RIMBP2: variants seen among roughly 807,000 people sequenced by gnomAD.
The protein encoded by RIMBP2 is RIMS-binding protein 2.
Under a neutral mutation model 118.6 loss-of-function variants are expected in RIMBP2, and 48 were observed. The observed-to-expected ratio is 0.40, with a 90% confidence interval of 0.32 to 0.51. RIMBP2 has a LOEUF of 0.51. RIMBP2 is among the 20% of genes least tolerant of loss of function. The pLI is 0.41. For missense variants in RIMBP2, 1,551 were observed against 1,768.3 expected (o/e 0.88, Z 2.20); for synonymous variants, 762 against 742.9 (o/e 1.03, Z -0.42).
chr12:130,702,315 G>A (rs1029729613), intron 1 of RIMBP2, among the ~76,000 whole-genome samples: 13 of 151,926 alleles, frequency 8.6e-5, no homozygotes, highest in African/African-American at 1.9e-4. Context: ...TCGGGAGTTC[G>A]AGACCAGCCC....
At chr12:130,671,173 T>C (rs951717725) in intron 1 of RIMBP2, among the ~76,000 whole-genome samples, 1 of 151,922 alleles carries the variant, frequency 6.6e-6, no homozygotes, top group East Asian at 1.9e-4. Context: ...GCAACCATTT[T>C]GTGACCTTGA....
At chr12:130,627,221 A>G (rs1164748504) in intron 2 of RIMBP2, among the ~76,000 whole-genome samples, 1 of 152,248 alleles carries the variant, frequency 6.6e-6, no homozygotes, top group Non-Finnish European at 1.5e-5. Flanking sequence ...TCATTTGCCA[A>G]GCCCAAGCAG....
intron 1 of RIMBP2, among the ~76,000 whole-genome samples, chr12:130,692,822 G>A (rs943158295): frequency 2.0e-5 from 3 of 149,574 alleles, no homozygotes; most frequent in Admixed American, 1.3e-4. Flanking sequence ...TGGGATGGGT[G>A]GAATGGGATG....
Position 130,424,177 on chromosome 12 carries a change from C to T in RIMBP2, c.3094G>A (p.Ala1032Thr), listed in dbSNP as rs931918607. ...MPDSRAAAPH[A>T]KPPPRVAQGP... Reference sequence around the variant, plus strand: ...TGTGCGACTCTGGGAGGTGGCTTTGCGTGGGGGGCAGCTGCCCTACTGTCG... The same window carrying T: ...TGTGCGACTCTGGGAGGTGGCTTTGTGTGGGGGGCAGCTGCCCTACTGTCG... Residue 1032 changes from alanine to threonine, a missense_variant, in exon 16 of 23, where the codon GCA (alanine) becomes ACA (threonine). By Grantham distance (58) the Ala-to-Thr change is moderately conservative. Around this residue, in one of 5 missense-constraint regions of RIMBP2, gnomAD observed 1,038 missense variants for 1,125.1 expected, o/e 0.92. Coordinates refer to ENST00000690449, the MANE Select transcript of RIMBP2 (RefSeq NM_001393629.1). This position sits in a 1 kb window ranked among gnomAD's most constrained non-coding sequence, Gnocchi z 9.8. The T allele has an allele frequency of 2.4e-5, 30 of 1,231,968 alleles. No individual in the cohort carries two copies. Among genetic ancestry groups the T allele is most frequent in the African/African-American group, 9.3e-5 (6 of 64,384 alleles). The allele number at this position is 1,231,968 out of a possible 1,614,324, so 76.3% of individuals were successfully genotyped here. A position where few individuals can be genotyped will look rare whatever the true frequency, so the allele number is the denominator to read the frequency against.
chr12:130,421,701 G>GTGTGTGTGTA (rs1363607393), intron 17 of RIMBP2, among the ~76,000 whole-genome samples: 1 of 151,034 alleles, frequency 6.6e-6, no homozygotes, highest in Non-Finnish European at 1.5e-5. Context: ...ATGTGTGTGT[G>GTGTGTGTGTA]TGTGTGTGTG....
chr12:130,533,294 G>A (rs376378163), intron 2 of RIMBP2, among the ~76,000 whole-genome samples: 120 of 152,212 alleles, frequency 7.9e-4, no homozygotes, highest in African/African-American at 2.5e-3. Flanking sequence ...ATGGCCAGCA[G>A]GTATACGAAA....
intron 1 of RIMBP2, among the ~76,000 whole-genome samples, chr12:130,715,111 T>C (rs1220239670): frequency 1.3e-5 from 2 of 152,208 alleles, no homozygotes; most frequent in African/African-American, 4.8e-5. Context: ...CTCCCTCCTC[T>C]CAGGCCTGCT....
chr12:130,408,939 C>T (rs761599264), intron 19 of RIMBP2, among the ~76,000 whole-genome samples: 21 of 152,190 alleles, frequency 1.4e-4, no homozygotes, highest in Non-Finnish European at 2.9e-4. Flanking sequence ...TGGTTAGGAG[C>T]CACTGCTGTA....
At chr12:130,405,403 G>A (rs942695433) in intron 21 of RIMBP2, among the ~76,000 whole-genome samples, 2 of 152,178 alleles carry the variant, frequency 1.3e-5, no homozygotes, top group African/African-American at 2.4e-5. Context: ...AGTTCTTGCC[G>A]ATTCTGATAA....
chr12:130,687,722 A>G lies in RIMBP2; in HGVS notation c.-352+28500T>C, dbSNP rs555310376. On this transcript the variant is annotated intron_variant, in intron 1 of 22. Coordinates refer to ENST00000690449, the MANE Select transcript of RIMBP2 (RefSeq NM_001393629.1). ...GAAACTCCCATCATCTGAAGCATATAGACTTTCAGACATCTTTCTACCCAT... is the reference window on the plus strand; with the variant it reads ...GAAACTCCCATCATCTGAAGCATATGGACTTTCAGACATCTTTCTACCCAT... 3.6e-3 allele frequency among the ~76,000 whole-genome samples: 542 copies of G among 152,370 alleles called. 3 individuals carry two copies. The highest frequency in any genetic ancestry group is 0.012 in the African/African-American group (515 of 41,588).
intron 2 of RIMBP2, among the ~76,000 whole-genome samples, chr12:130,549,376 T>C (rs2055509085): frequency 1.3e-5 from 2 of 152,218 alleles, no homozygotes. Flanking sequence ...TTTTCTTAAC[T>C]TGTATTTTAG....
At position 130,665,569 on chromosome 12, in the gene RIMBP2, C is replaced by G. The variant is rs143951016; in HGVS notation, c.-351-37113G>C. On this transcript the variant is annotated intron_variant, in intron 1 of 22. Transcript: ENST00000690449. ...TCAAAACAAACAAAAACACCCAAAT[C>G]TAATTGTGAGGAAACATCAGACAAA... Among the ~76,000 whole-genome samples, 3 of 151,732 alleles carry G rather than the reference C, an allele frequency of 2.0e-5. No homozygotes were observed. The East Asian group carries it at 5.8e-4, about 29-fold the overall frequency.
chr12:130,606,327 T>G (rs879567608), intron 2 of RIMBP2, among the ~76,000 whole-genome samples: 9 of 152,194 alleles, frequency 5.9e-5, no homozygotes, highest in Non-Finnish European at 1.3e-4. Context: ...TTACCCCCTC[T>G]CACTATTATT....
intron 9 of RIMBP2, among the ~76,000 whole-genome samples, chr12:130,445,860 A>G (rs1009044492): frequency 1.3e-5 from 2 of 152,316 alleles, no homozygotes; most frequent in African/African-American, 4.8e-5. Flanking sequence ...TTAGTATTGC[A>G]TTATATATTC....
At chr12:130,421,558 T>A (rs1337528210) in intron 17 of RIMBP2, among the ~76,000 whole-genome samples, 1 of 152,216 alleles carries the variant, frequency 6.6e-6, no homozygotes, top group Non-Finnish European at 1.5e-5. Flanking sequence ...TTCAGCTATT[T>A]CAACGAGATT....
At chr12:130,634,159 C>T (rs2062191192) in intron 1 of RIMBP2, among the ~76,000 whole-genome samples, 1 of 152,228 alleles carries the variant, frequency 6.6e-6, no homozygotes, top group Admixed American at 6.5e-5. Context: ...CAGTCGCTCT[C>T]TTCCCCCCGA....
intron 1 of RIMBP2, among the ~76,000 whole-genome samples, chr12:130,699,892 G>A (rs1023392573): frequency 1.6e-5 from 2 of 122,984 alleles, no homozygotes; most frequent in African/African-American, 3.0e-5. Flanking sequence ...GTGATGGTGT[G>A]AGACTCTGTC....
chr12:130,495,974 A>G (rs1373938284), intron 4 of RIMBP2, among the ~76,000 whole-genome samples: 2 of 152,212 alleles, frequency 1.3e-5, no homozygotes, highest in Admixed American at 1.3e-4. Flanking sequence ...TGCTACTGAG[A>G]TCAACGGGAA....
intron 1 of RIMBP2, among the ~76,000 whole-genome samples, chr12:130,653,457 A>G (rs2895137): frequency 0.51 from 78,204 of 152,168 alleles, 20,665 homozygotes; most frequent in African/African-American, 0.62. Context: ...TGCAGCTCCC[A>G]CGGCTGCTCT....
Sources: gnomAD v4.1 joint callset for allele counts (sites outside exome capture counted in the v4.1 genomes callset) on GRCh38, gnomAD v4.1.1 for gene constraint, gnomAD v4.1.1 regional missense constraint, Gnocchi (gnomAD v3.1) non-coding constraint, MANE v1.5 for transcripts, NCBI Gene and HGNC (gene_info 2026-07-23, HGNC 2026-07-21) for gene names.